Variants in EPHB1 observed in about 807,000 individuals in gnomAD.
EPHB1 encodes EPH receptor B1, also known as ephrin type-B receptor 1.
In EPHB1, 30 loss-of-function variants were observed where a neutral mutation model predicts 94.4. The observed-to-expected ratio is 0.32, with a 90% CI of 0.24 to 0.43. EPHB1 has a LOEUF of 0.43. Among genes scored for constraint, EPHB1 ranks in the 20% least tolerant of loss-of-function variants. The probability of loss-of-function intolerance (pLI) is 1.00; values close to 1 mark genes in which losing one functional copy is unlikely to be tolerated. For synonymous variants in EPHB1, 522 were observed against 489.1 expected, an observed-to-expected ratio of 1.07 and a Z score of -0.89; for missense variants, 1,055 against 1,308.3, an observed-to-expected ratio of 0.81 and a Z score of 2.99.
chr3:135,123,794 AAGT>A (rs1940082044), intron 4 of EPHB1, among the ~76,000 whole-genome samples: 1 of 149,008 alleles, frequency 6.7e-6, no homozygotes, highest in Non-Finnish European at 1.5e-5. Context: ...AGATGTTACA[AAGT>A]ATTCAGAATC....
chr3:135,148,547 A>AGT (rs35658400), intron 5 of EPHB1, among the ~76,000 whole-genome samples: 4,848 of 152,318 alleles, frequency 0.032, 138 homozygotes, highest in African/African-American at 0.081. Flanking sequence ...TACTACTGGC[A>AGT]GTGACCAGTG....
chr3:134,820,451 C>T (rs560708979), intron 1 of EPHB1, among the ~76,000 whole-genome samples: 10 of 152,294 alleles, frequency 6.6e-5, no homozygotes, highest in Admixed American at 6.5e-4. Flanking sequence ...CAGAATGCCC[C>T]CTTGGACCAG....
At chr3:135,028,112 T>A (rs1430251873) in intron 3 of EPHB1, among the ~76,000 whole-genome samples, 5 of 143,858 alleles carry the variant, frequency 3.5e-5, no homozygotes, top group Admixed American at 2.7e-4. Flanking sequence ...GATTCTTCTC[T>A]CTTTTTTTCT....
chr3:134,798,223 C>G (rs548261619), intron 1 of EPHB1, among the ~76,000 whole-genome samples: 1 of 152,136 alleles, frequency 6.6e-6, no homozygotes, highest in East Asian at 1.9e-4. Context: ...TGAGGCCAGG[C>G]GGGCCCTCAG....
In EPHB1 at chr3:135,240,411, T is replaced by A. The variant is rs117282315; in HGVS notation, c.2347-737T>A. Among the ~76,000 whole-genome samples the A allele has an allele frequency of 8.1e-4, 123 of 152,202 alleles. No homozygotes were observed. In the East Asian group the frequency reaches 0.019, roughly 23 times the overall value. On this transcript the variant is annotated intron_variant, in intron 12 of 15. Coordinates refer to ENST00000398015, the MANE Select transcript of EPHB1 (RefSeq NM_004441.5). ...CTGAGGGCCAAGCAGAGAGCCAATT[T>A]AGAAACTTCCAGTGTGGGATTGGAG...
At chr3:135,180,004 T>G in intron 10 of EPHB1, 22 bp downstream of exon 10, 1 of 1,613,182 alleles carries the variant, frequency 6.2e-7, no homozygotes, top group Non-Finnish European at 8.5e-7. Flanking sequence ...CCCTGTCTTG[T>G]TTCTGTTCTC....
chr3:135,256,555 C>T (rs1170952693), intron 15 of EPHB1, among the ~76,000 whole-genome samples: 1 of 152,192 alleles, frequency 6.6e-6, no homozygotes, highest in Non-Finnish European at 1.5e-5. Flanking sequence ...CCCCCACTCT[C>T]TTCTGACTTG....
chr3:134,964,266 T>TGGCAGAACCAGATGGA (rs1181169816), intron 3 of EPHB1, among the ~76,000 whole-genome samples: 1 of 152,192 alleles, frequency 6.6e-6, no homozygotes, highest in Non-Finnish European at 1.5e-5. Flanking sequence ...GAAGTGATGA[T>TGGCAGAACCAGATGGA]GGCAGAACCA....
At chr3:135,258,889 T>C (rs963719041) in intron 15 of EPHB1, 123 bp from the exon 16 acceptor site, 9 of 855,242 alleles carry the variant, frequency 1.1e-5, no homozygotes, top group African/African-American at 5.2e-5. Context: ...TTGGGTAAAC[T>C]TAAGCTAGTT....
rs375799685 is a variant in EPHB1 at position 135,162,177 on chromosome 3, G to A, written c.1582G>A (p.Asp528Asn). 2.6e-5 allele frequency: 42 copies of A among 1,602,374 alleles called. No individual in the cohort carries two copies. Among genetic ancestry groups the A allele is most frequent in the Non-Finnish European group, 3.6e-5 (42 of 1,173,092 alleles). Residue 528 changes from aspartate (D) to asparagine (N), a missense_variant, in exon 7 of 16, where the codon GAC becomes AAC. Asp to Asn is a conservative substitution (Grantham distance 23, BLOSUM62 1). Transcript: ENST00000398015. ...SGKMCFQTLT[D>N]DDYKSELREQ... ...CAAGATGTGCTTCCAGACTCTGACT[G>A]ACGGTAAGGGTCGGGGAGGGCAGTG...
chr3:134,800,145 C>T (rs1314339892), intron 1 of EPHB1, among the ~76,000 whole-genome samples: 2 of 152,176 alleles, frequency 1.3e-5, no homozygotes, highest in East Asian at 1.9e-4. Flanking sequence ...CATCTCCCAG[C>T]TCTGTTGCTT....
chr3:134,809,669 G>A (rs554070024), intron 1 of EPHB1, among the ~76,000 whole-genome samples: 2 of 152,116 alleles, frequency 1.3e-5, no homozygotes, highest in Non-Finnish European at 2.9e-5. Context: ...ACCAAACCAC[G>A]CCCTGCCTAG....
At chr3:134,915,675 C>T (rs529193840) in intron 1 of EPHB1, among the ~76,000 whole-genome samples, 1 of 152,174 alleles carries the variant, frequency 6.6e-6, no homozygotes, top group East Asian at 1.9e-4. Flanking sequence ...CTCGCTGGCT[C>T]AGGAGTGAAG....
chr3:135,027,401 T>C (rs1398581968), intron 3 of EPHB1, among the ~76,000 whole-genome samples: 1 of 146,118 alleles, frequency 6.8e-6, no homozygotes, highest in Non-Finnish European at 1.5e-5. Context: ...CAATACCTAA[T>C]TTATTGAGAG....
chr3:135,236,410 G>C (rs976142970), intron 12 of EPHB1, among the ~76,000 whole-genome samples: 1 of 151,976 alleles, frequency 6.6e-6, no homozygotes. Flanking sequence ...CAAAGGCCCT[G>C]TTTCCAAAGA....
At chr3:135,013,311 C>A (rs571627388) in intron 3 of EPHB1, among the ~76,000 whole-genome samples, 1 of 152,178 alleles carries the variant, frequency 6.6e-6, no homozygotes, top group African/African-American at 2.4e-5. Flanking sequence ...TGTGGTCTAC[C>A]CCTGCAGTGC....
At chr3:135,216,675 A>G (rs1352102591) in intron 12 of EPHB1, among the ~76,000 whole-genome samples, 2 of 146,374 alleles carry the variant, frequency 1.4e-5, no homozygotes, top group Non-Finnish European at 3.0e-5. Context: ...GTGAGCCGAG[A>G]TCATGCCACT....
intron 7 of EPHB1, among the ~76,000 whole-genome samples, chr3:135,162,741 A>G (rs1419141998): frequency 6.6e-6 from 1 of 152,212 alleles, no homozygotes; most frequent in African/African-American, 2.4e-5. Context: ...GTCTATCACC[A>G]TAAATATACT....
chr3:135,110,868 T>TG (rs1939414988), intron 4 of EPHB1, among the ~76,000 whole-genome samples: 1 of 151,870 alleles, frequency 6.6e-6, no homozygotes, highest in Admixed American at 6.6e-5. Flanking sequence ...AGGGCAGTGG[T>TG]GGGGTGGGGG....
Sources: gnomAD v4.1 joint callset for allele counts (sites outside exome capture counted in the v4.1 genomes callset) on GRCh38, gnomAD v4.1.1 for gene constraint, MANE v1.5 for transcripts, NCBI Gene and HGNC (gene_info 2026-07-23, HGNC 2026-07-21) for gene names.